Variants in GABRA3 observed in about 807,000 individuals in gnomAD.
The protein encoded by GABRA3 is gamma-aminobutyric acid receptor subunit alpha-3.
Under a neutral mutation model 30.1 loss-of-function variants are expected in GABRA3, and 10 were observed. The observed-to-expected ratio is 0.33, with a 90% CI of 0.20 to 0.56. The LOEUF is 0.56. GABRA3 is among the 20% of genes least tolerant of loss of function. The pLI is 0.89. For synonymous variants in GABRA3, 151 were observed against 146.8 expected (o/e 1.03, Z -0.21); for missense variants, 233 against 392.0 (o/e 0.59, Z 3.42).
intron 7 of GABRA3, among the ~76,000 whole-genome samples, chrX:152,206,774 C>T (rs1373806385): frequency 8.9e-6 from 1 of 111,848 alleles, no homozygotes; most frequent in Non-Finnish European, 1.9e-5. Flanking sequence ...TGCTCACCCA[C>T]TGGAAGGAGG....
At chrX:152,334,066 A>G (rs1470854698) in intron 3 of GABRA3, among the ~76,000 whole-genome samples, 2 of 112,023 alleles carry the variant, frequency 1.8e-5, no homozygotes, top group African/African-American at 6.5e-5. Flanking sequence ...GCCTAAACAT[A>G]TGTAAATCAA....
rs200826526 is a variant in GABRA3 at position 152,345,553 on chromosome X, G to A, written c.262+28C>T. ...AATGGCCAAGAAGAAGATCTGAAAAGGACTTCAAAGATCTTAAAAGGACTG... is the reference window on the plus strand; with the variant it reads ...AATGGCCAAGAAGAAGATCTGAAAAAGACTTCAAAGATCTTAAAAGGACTG... On this transcript the variant is annotated intron_variant, in intron 3 of 9. Coordinates refer to ENST00000370314, the MANE Select transcript of GABRA3 (RefSeq NM_000808.4). 135 of 1,186,257 alleles carry A rather than the reference G, an allele frequency of 1.1e-4. No homozygotes were observed. The African/African-American group carries it at 1.9e-3, about 17-fold the overall frequency.
At chrX:152,178,245 C>T (rs1261081160) in intron 9 of GABRA3, among the ~76,000 whole-genome samples, 4 of 96,040 alleles carry the variant, frequency 4.2e-5, no homozygotes, top group Non-Finnish European at 8.2e-5. Context: ...GCCGTGTGTG[C>T]GTCTATGTGT....
chrX:152,395,708 G>A (rs924740720), intron 1 of GABRA3, among the ~76,000 whole-genome samples: 3 of 111,675 alleles, frequency 2.7e-5, no homozygotes, highest in East Asian at 2.8e-4. Context: ...CTGTAAATAC[G>A]CAAAATACAG....
At chrX:152,407,128 G>A (rs1390388929) in intron 1 of GABRA3, among the ~76,000 whole-genome samples, 1 of 111,110 alleles carries the variant, frequency 9.0e-6, no homozygotes, top group Non-Finnish European at 1.9e-5. Context: ...AGATTGAAAA[G>A]GTAGAAAAGC....
At chrX:152,445,557 C>T (rs955076876) in intron 1 of GABRA3, among the ~76,000 whole-genome samples, 14 of 111,585 alleles carry the variant, frequency 1.3e-4, no homozygotes, top group African/African-American at 4.6e-4. Context: ...TCTGTGAATA[C>T]TCCCACCAAA....
intron 1 of GABRA3, among the ~76,000 whole-genome samples, chrX:152,399,116 T>C (rs763337811): frequency 9.0e-6 from 1 of 111,215 alleles, no homozygotes; most frequent in Non-Finnish European, 1.9e-5. Flanking sequence ...AAAGAGACAA[T>C]CTCAGTCCTA....
intron 4 of GABRA3, among the ~76,000 whole-genome samples, chrX:152,256,530 A>G (rs1938640036): frequency 1.8e-5 from 2 of 112,031 alleles, no homozygotes; most frequent in African/African-American, 6.5e-5. Flanking sequence ...TAAAAAACAT[A>G]CCTTATAGAC....
Position 152,235,322 on chromosome X carries a change from C to T in GABRA3, c.552-10477G>A, listed in dbSNP as rs76684598. ...TATATGTGGATTTTGTATCCTGAAA[C>T]GACTGAATTCATTTATCAAATTTAG... On this transcript the variant is annotated intron_variant, in intron 5 of 9. Coordinates refer to ENST00000370314, the MANE Select transcript of GABRA3 (RefSeq NM_000808.4). 4.5e-5 allele frequency among the ~76,000 whole-genome samples: 5 copies of T among 111,536 alleles called. No homozygotes were observed. The South Asian group carries it at 1.8e-3, about 41-fold the overall frequency.
rs544941441 is a variant in GABRA3 at position 152,212,326 on chromosome X, AAAAAAT to A, written c.635-4188_635-4183del. Reference sequence around the variant, plus strand: ...AAAAAAAAAAAAAAAAAAAAAAAAAAAAAAATTCCAAATTGCCTACCCTAAGAACTA... The same window carrying A: ...AAAAAAAAAAAAAAAAAAAAAAAAAATCCAAATTGCCTACCCTAAGAACTA... On this transcript the variant is annotated intron_variant, in intron 6 of 9. Coordinates refer to ENST00000370314, the MANE Select transcript of GABRA3 (RefSeq NM_000808.4). Among the ~76,000 whole-genome samples, 219 of 42,066 alleles carry A rather than the reference AAAAAAT, an allele frequency of 5.2e-3. 45 individuals carry two copies. The highest frequency in any genetic ancestry group is 8.0e-3 in the Non-Finnish European group (168 of 21,037). 36.5% of individuals were successfully genotyped at this position (42,066 alleles called of 115,157 possible).
At chrX:152,347,996 A>AAAATAAAT (rs1023102326) in intron 2 of GABRA3, among the ~76,000 whole-genome samples, 5 of 111,639 alleles carry the variant, frequency 4.5e-5, no homozygotes, top group African/African-American at 1.6e-4. Flanking sequence ...GACCCTGTCT[A>AAAATAAAT]AAATAAATAA....
At chrX:152,176,847 G>A (rs7059749) in intron 9 of GABRA3, among the ~76,000 whole-genome samples, 3,451 of 111,338 alleles carry the variant, frequency 0.031, 143 homozygotes, top group African/African-American at 0.11. Context: ...GAATGAGGTC[G>A]CTTGAGAAGT....
intron 3 of GABRA3, among the ~76,000 whole-genome samples, chrX:152,326,496 A>G (rs1035294753): frequency 1.8e-5 from 2 of 111,974 alleles, no homozygotes; most frequent in African/African-American, 6.5e-5. Flanking sequence ...TCAGACTACC[A>G]GTGGATCTCT....
chrX:152,242,555 A>T (rs11795732), intron 5 of GABRA3, among the ~76,000 whole-genome samples: 15,715 of 111,695 alleles, frequency 0.14, 844 homozygotes, highest in Admixed American at 0.22. Flanking sequence ...AGGAACTCAA[A>T]CAACAATAGC....
chrX:152,439,475 G>A (rs1930863512), intron 1 of GABRA3, among the ~76,000 whole-genome samples: 1 of 111,318 alleles, frequency 9.0e-6, no homozygotes, highest in African/African-American at 3.3e-5. Context: ...TGGGGATAAT[G>A]AGCAGCTGAG....
intron 7 of GABRA3, among the ~76,000 whole-genome samples, chrX:152,198,414 C>A (rs760729131): frequency 2.7e-5 from 3 of 112,600 alleles, no homozygotes; most frequent in Non-Finnish European, 3.7e-5. Flanking sequence ...GCACTTACTG[C>A]GCTTTTACTG....
intron 4 of GABRA3, among the ~76,000 whole-genome samples, chrX:152,279,228 G>C (rs1159388163): frequency 9.0e-6 from 1 of 111,711 alleles, no homozygotes; most frequent in Non-Finnish European, 1.9e-5. Context: ...TTCTTCTAGG[G>C]TTTTTATGGT....
intron 1 of GABRA3, among the ~76,000 whole-genome samples, chrX:152,415,816 G>A (rs1930198634): frequency 9.0e-6 from 1 of 110,784 alleles, no homozygotes; most frequent in Admixed American, 9.7e-5. Flanking sequence ...ACATTTTAAA[G>A]GTAACATTAA....
At chrX:152,241,467 T>A (rs1273771663) in intron 5 of GABRA3, among the ~76,000 whole-genome samples, 2 of 106,930 alleles carry the variant, frequency 1.9e-5, no homozygotes, top group African/African-American at 3.3e-5. Context: ...TGTTTCTCTG[T>A]GCCCTGCCCC....
Sources: gnomAD v4.1 joint callset for allele counts (sites outside exome capture counted in the v4.1 genomes callset) on GRCh38, gnomAD v4.1.1 for gene constraint, MANE v1.5 for transcripts, NCBI Gene and HGNC (gene_info 2026-07-23, HGNC 2026-07-21) for gene names.